The following MOB1A variants were observed in gnomAD, a reference collection of about 807,000 sequenced individuals.
The protein encoded by MOB1A is MOB kinase activator 1A.
In MOB1A, 10 loss-of-function variants were observed where a neutral mutation model predicts 25.1. The ratio of observed to expected loss-of-function variants is 0.40; its 90% confidence interval spans 0.25 to 0.68. MOB1A has a LOEUF of 0.68. MOB1A is among the 30% of genes least tolerant of loss of function. The pLI, the probability that MOB1A is intolerant of heterozygous loss-of-function variation, is 0.40. For synonymous variants in MOB1A, 81 were observed against 79.5 expected (o/e 1.02, Z -0.10); for missense variants, 177 against 256.3 (o/e 0.69, Z 2.11).
Position 74,170,753 on chromosome 2 carries a change from T to C in MOB1A, c.181+1833A>G, listed in dbSNP as rs573335457. On this transcript the variant is annotated intron_variant, in intron 2 of 5. Coordinates refer to ENST00000396049, the MANE Select transcript of MOB1A (RefSeq NM_018221.5). Reference sequence around the variant, plus strand: ...AAAAAAAAAAAAAATTAGCAGGGCATGGTGGTGTGAGCCTGTAGTCCCAGC... The same window carrying C: ...AAAAAAAAAAAAAATTAGCAGGGCACGGTGGTGTGAGCCTGTAGTCCCAGC... Among the ~76,000 whole-genome samples, 594 of 145,798 alleles carry C rather than the reference T, an allele frequency of 4.1e-3. 5 individuals carry two copies. Among genetic ancestry groups the C allele is most frequent in the South Asian group, 8.8e-3 (41 of 4,658 alleles).
Position 74,178,741 on chromosome 2 carries a change from A to G in MOB1A, c.-67T>C, listed in dbSNP as rs888826937. 1.3e-6 allele frequency: 1 copy of G among 763,588 alleles called. No individual in the cohort carries two copies. Among genetic ancestry groups the G allele is most frequent in the African/African-American group, 1.9e-5 (1 of 53,662 alleles). The allele number at this position is 763,588 out of a possible 1,614,324, so 47.3% of individuals were successfully genotyped here. A position where few individuals can be genotyped will look rare whatever the true frequency, so the allele number is the denominator to read the frequency against. Reference sequence around the variant, plus strand: ...CCTGGATCAGGATTCGGAGCTGGCTAGAGGGAGCGGACCGTCCTTAGCTCA... The same window carrying G: ...CCTGGATCAGGATTCGGAGCTGGCTGGAGGGAGCGGACCGTCCTTAGCTCA... On this transcript the variant is annotated 5_prime_UTR_variant, in exon 1 of 6. Transcript: ENST00000396049.
Position 74,166,947 on chromosome 2 carries a change from TA to T in MOB1A, c.275+66del. On this transcript the variant is annotated intron_variant, in intron 3 of 5. Coordinates refer to ENST00000396049, the MANE Select transcript of MOB1A (RefSeq NM_018221.5). The stretch of plus-strand genomic sequence containing the variant: ...AAACGGATAACAAATCTTAACTGTT[TA>T]ATTTCTATCAATTGGTGATAAAGTA... The T allele has an allele frequency of 2.6e-6, 3 of 1,163,242 alleles. No homozygotes were observed. In the South Asian group the frequency reaches 4.0e-5, roughly 15 times the overall value. 72.1% of individuals were successfully genotyped at this position (1,163,242 alleles called of 1,614,324 possible).
chr2:74,171,514 T>A (rs1410279246), intron 2 of MOB1A, among the ~76,000 whole-genome samples: 2 of 152,164 alleles, frequency 1.3e-5, no homozygotes, highest in Admixed American at 1.3e-4. Flanking sequence ...GAAGAAAAAT[T>A]GGTCACAAAC....
chr2:74,163,754 A>G (rs1693045162), intron 4 of MOB1A, among the ~76,000 whole-genome samples: 1 of 152,224 alleles, frequency 6.6e-6, no homozygotes, highest in South Asian at 2.1e-4. Context: ...AAATTAAGAA[A>G]CTTGAACAAC....
rs1241758294 is a variant in MOB1A at position 74,178,867 on chromosome 2, G to T, written c.-193C>A. Reference sequence around the variant, plus strand: ...CCGCCTTGCCCGCCTACCCCACCTCGCAGACCCGAAATGCGGAACCAACAA... The same window carrying T: ...CCGCCTTGCCCGCCTACCCCACCTCTCAGACCCGAAATGCGGAACCAACAA... On this transcript the variant is annotated 5_prime_UTR_variant, in exon 1 of 6. Transcript: ENST00000396049. 3 of 382,294 alleles carry T rather than the reference G, an allele frequency of 7.8e-6. No homozygotes were observed. The East Asian group carries it at 1.1e-4, about 14-fold the overall frequency. 23.7% of individuals were successfully genotyped at this position (382,294 alleles called of 1,614,324 possible).
At chr2:74,173,842 G>A (rs111734161) in intron 1 of MOB1A, among the ~76,000 whole-genome samples, 1,974 of 150,910 alleles carry the variant, frequency 0.013, 35 homozygotes, top group African/African-American at 0.046. Context: ...CCAGCTACAC[G>A]GGAGGCTGAG....
At chr2:74,158,735 C>T (rs928760005) in intron 5 of MOB1A, among the ~76,000 whole-genome samples, 3 of 150,300 alleles carry the variant, frequency 2.0e-5, no homozygotes, top group Admixed American at 6.7e-5. Context: ...GCCAAGATCA[C>T]GCCATTGCAC....
intron 3 of MOB1A, 81 bp from the exon 4 acceptor site, chr2:74,165,432 A>C: frequency 1.2e-6 from 1 of 828,828 alleles, no homozygotes; most frequent in Non-Finnish European, 1.7e-6. Flanking sequence ...AGGTTCATTC[A>C]CATTTTGTCA....
At chr2:74,167,841 A>T (rs1462259614) in intron 2 of MOB1A, among the ~76,000 whole-genome samples, 3 of 152,180 alleles carry the variant, frequency 2.0e-5, no homozygotes, top group African/African-American at 7.2e-5. Context: ...AAAGAGATGA[A>T]TAATATAAGA....
intron 1 of MOB1A, among the ~76,000 whole-genome samples, chr2:74,173,735 G>A (rs1274706410): frequency 4.6e-5 from 7 of 150,540 alleles, no homozygotes; most frequent in African/African-American, 1.5e-4. Flanking sequence ...TGGATCACGA[G>A]GTCAGGAGAT....
chr2:74,176,046 G>A (rs936813566), intron 1 of MOB1A, among the ~76,000 whole-genome samples: 33 of 149,850 alleles, frequency 2.2e-4, no homozygotes, highest in African/African-American at 8.2e-4. Context: ...AGGAGTTTGA[G>A]ACCACCCTGA....
intron 4 of MOB1A, among the ~76,000 whole-genome samples, chr2:74,162,350 T>G (rs1692996181): frequency 1.3e-5 from 2 of 151,958 alleles, no homozygotes. Context: ...GGTGTGGTGG[T>G]GGGCGCCTGT....
chr2:74,161,445 C>T (rs891437035), intron 4 of MOB1A, among the ~76,000 whole-genome samples: 2 of 151,294 alleles, frequency 1.3e-5, no homozygotes, highest in African/African-American at 4.9e-5. Flanking sequence ...AGATCGAGAC[C>T]ATCCTGGCTA....
At chr2:74,169,487 A>G (rs1693222373) in intron 2 of MOB1A, among the ~76,000 whole-genome samples, 2 of 152,050 alleles carry the variant, frequency 1.3e-5, no homozygotes, top group Non-Finnish European at 2.9e-5. Flanking sequence ...CGACAGGGCG[A>G]TACTGTCTCG....
chr2:74,160,960 G>A (rs1318449931), intron 4 of MOB1A, among the ~76,000 whole-genome samples: 1 of 151,836 alleles, frequency 6.6e-6, no homozygotes, highest in African/African-American at 2.4e-5. Flanking sequence ...TCAAATGGCT[G>A]AGGCAGAAGA....
intron 2 of MOB1A, among the ~76,000 whole-genome samples, chr2:74,172,111 G>A (rs1261793397): frequency 6.6e-6 from 1 of 152,070 alleles, no homozygotes; most frequent in African/African-American, 2.4e-5. Flanking sequence ...GTGACTTTCA[G>A]CTCAGATCCC....
Position 74,165,234 on chromosome 2 carries a change from AAG to A in MOB1A, c.391_392del (p.Leu131PhefsTer4), listed in dbSNP as rs1470235147. On this transcript the variant is annotated frameshift_variant, in exon 4 of 6. Transcript: ENST00000396049. LOFTEE classifies it high-confidence loss of function. ...WVQDQLDDET[L>X]FPSKIGVPFP... ...TTAACTCACCAATCTTAGAAGGAAA[AAG>A]AGTTTCATCATCAAGCTGATCTTGA... The A allele has an allele frequency of 2.3e-5, 36 of 1,545,646 alleles. No homozygotes were observed. The highest frequency in any genetic ancestry group is 4.1e-5 in the African/African-American group (3 of 73,482).
rs535343356 is a variant in MOB1A at position 74,172,809 on chromosome 2, GAAC to G, written c.15-60_15-58del. 1,675 of 1,523,250 alleles carry G rather than the reference GAAC, an allele frequency of 1.1e-3. 8 individuals carry two copies. The highest frequency in any genetic ancestry group is 6.8e-3 in the Middle Eastern group (40 of 5,856). 94.4% of individuals were successfully genotyped at this position (1,523,250 alleles called of 1,614,324 possible). On this transcript the variant is annotated intron_variant, in intron 1 of 5. Transcript: ENST00000396049. ...TTTAAGACTGGAAGTAGAACAGGTA[GAAC>G]AACATAATTTTAGGTATATAAAGTA...
chr2:74,167,101 T>G lies in MOB1A; in HGVS notation c.188A>C (p.Asp63Ala). ...TAACATGTTGATCTGGTTAAAGAAA[T>G]CCACAGCTGCAGAGATAATAGAATT... is the stretch of plus-strand genomic sequence containing the variant. ...LNEWIAVNTVDFFNQINMLYG... is the reference protein window; with the variant it reads ...LNEWIAVNTVAFFNQINMLYG... The change falls in exon 3 of 6, where the codon GAT (aspartate) becomes GCT (alanine). Residue 63 changes from aspartate to alanine, a missense_variant. Transcript: ENST00000396049. 1 of 1,612,550 alleles carries G rather than the reference T, an allele frequency of 6.2e-7. No homozygotes were observed. The highest frequency in any genetic ancestry group is 1.7e-4 in the Middle Eastern group (1 of 6,054).
Sources: gnomAD v4.1 joint callset for allele counts (sites outside exome capture counted in the v4.1 genomes callset) on GRCh38, gnomAD v4.1.1 for gene constraint, MANE v1.5 for transcripts, NCBI Gene and HGNC (gene_info 2026-07-23, HGNC 2026-07-21) for gene names.